SUCLG2: variants seen among roughly 807,000 people sequenced by gnomAD.
The protein encoded by SUCLG2 is succinate-CoA ligase GDP-forming subunit beta, also known as succinate--CoA ligase [GDP-forming] subunit beta, mitochondrial.
A neutral mutation model predicts 47.9 loss-of-function variants in SUCLG2; 42 were observed. The observed-to-expected ratio is 0.88, with a 90% CI of 0.69 to 1.14. The LOEUF is 1.14. Among genes scored for constraint, SUCLG2 ranks in the 50% most tolerant of loss-of-function variants. The probability of loss-of-function intolerance (pLI) is 0.00; values close to 1 mark genes in which losing one functional copy is unlikely to be tolerated. For synonymous variants in SUCLG2, 195 were observed against 197.3 expected (o/e 0.99, Z 0.10); for missense variants, 571 against 525.9 (o/e 1.09, Z -0.84).
intron 9 of SUCLG2, among the ~76,000 whole-genome samples, chr3:67,401,965 G>T (rs1702693741): frequency 6.6e-6 from 1 of 152,146 alleles, no homozygotes; most frequent in African/African-American, 2.4e-5. Flanking sequence ...ATTAGGTAGG[G>T]TGAAGGTTGG....
chr3:67,516,104 C>G (rs993937533), intron 6 of SUCLG2, among the ~76,000 whole-genome samples: 1 of 152,178 alleles, frequency 6.6e-6, no homozygotes, highest in Admixed American at 6.5e-5. Flanking sequence ...GCACAGCAGA[C>G]TGAGCAGCAC....
rs544929762 is a variant in SUCLG2 at position 67,583,698 on chromosome 3, G to T, written c.226+25757C>A. ...CTTCTTCCCACCTTACTAGTTAGTGGCAGAATTCAGTTCCTTGCAGCTACA... is the reference window on the plus strand; with the variant it reads ...CTTCTTCCCACCTTACTAGTTAGTGTCAGAATTCAGTTCCTTGCAGCTACA... On this transcript the variant is annotated intron_variant, in intron 2 of 10. Coordinates refer to ENST00000307227, the MANE Select transcript of SUCLG2 (RefSeq NM_003848.4). Among the ~76,000 whole-genome samples, 12 of 152,280 alleles carry T rather than the reference G, an allele frequency of 7.9e-5. 1 individual carries two copies. In the South Asian group the frequency reaches 2.5e-3, roughly 32 times the overall value.
intron 2 of SUCLG2, among the ~76,000 whole-genome samples, chr3:67,531,187 G>GA (rs1442301163): frequency 2.0e-5 from 3 of 152,108 alleles, no homozygotes; most frequent in East Asian, 3.9e-4. Context: ...CAGCAATTAA[G>GA]AAAAAATGGC....
At chr3:67,438,730 T>C (rs1575695739) in intron 9 of SUCLG2, among the ~76,000 whole-genome samples, 1 of 152,238 alleles carries the variant, frequency 6.6e-6, no homozygotes, top group Non-Finnish European at 1.5e-5. Context: ...AGCTCTGAAA[T>C]TGAGGCAGTA....
chr3:67,386,691 C>T (rs1383801682), intron 10 of SUCLG2, among the ~76,000 whole-genome samples: 2 of 152,186 alleles, frequency 1.3e-5, no homozygotes, highest in African/African-American at 2.4e-5. Flanking sequence ...GGGAAAAACC[C>T]ACCACCATGA....
chr3:67,476,433 T>C (rs1704758995), intron 9 of SUCLG2, among the ~76,000 whole-genome samples: 1 of 152,042 alleles, frequency 6.6e-6, no homozygotes, highest in Non-Finnish European at 1.5e-5. Context: ...GATCTGTCAT[T>C]CTCTCCCATC....
chr3:67,391,186 C>A (rs1007718739), intron 10 of SUCLG2, among the ~76,000 whole-genome samples: 1 of 152,168 alleles, frequency 6.6e-6, no homozygotes, highest in Non-Finnish European at 1.5e-5. Context: ...CTCTAACATT[C>A]CCTAAACTTT....
intron 9 of SUCLG2, among the ~76,000 whole-genome samples, chr3:67,466,776 C>G (rs1364845472): frequency 6.6e-6 from 1 of 152,164 alleles, no homozygotes; most frequent in Non-Finnish European, 1.5e-5. Context: ...ACAGTGCAAG[C>G]AAGTGTGATA....
chr3:67,622,569 G>A (rs116231710), intron 1 of SUCLG2, among the ~76,000 whole-genome samples: 101 of 152,138 alleles, frequency 6.6e-4, no homozygotes, highest in African/African-American at 2.3e-3. Flanking sequence ...ATCTCTATAC[G>A]CTGTTTTATC....
At chr3:67,585,993 C>CAAAAAAAAAAAAAAAAAAAAAAA (rs1575797477) in intron 2 of SUCLG2, among the ~76,000 whole-genome samples, 1 of 20,736 alleles carries the variant, frequency 4.8e-5, no homozygotes, top group African/African-American at 1.4e-4. Context: ...AAAAAAAAAC[C>CAAAAAAAAAAAAAAAAAAAAAAA]AAACCCACAA....
At chr3:67,466,026 C>G (rs1468840332) in intron 9 of SUCLG2, among the ~76,000 whole-genome samples, 1 of 152,184 alleles carries the variant, frequency 6.6e-6, no homozygotes, top group Admixed American at 6.5e-5. Flanking sequence ...ATGACACACA[C>G]AGCCCTTACG....
At chr3:67,373,729 G>A (rs1001616796), downstream of SUCLG2, among the ~76,000 whole-genome samples, 36 of 151,912 alleles carry the variant, frequency 2.4e-4, no homozygotes, top group African/African-American at 5.3e-4. Flanking sequence ...TCTTTCTTTC[G>A]TTTATTTGCT....
intron 9 of SUCLG2, among the ~76,000 whole-genome samples, chr3:67,432,795 G>T (rs564329385): frequency 6.6e-6 from 1 of 152,232 alleles, no homozygotes; most frequent in Admixed American, 6.5e-5. Flanking sequence ...TAATCACATT[G>T]TATGACTCGC....
At chr3:67,491,838 CGTGT>C (rs893781519) in intron 9 of SUCLG2, among the ~76,000 whole-genome samples, 20 of 152,204 alleles carry the variant, frequency 1.3e-4, no homozygotes, top group African/African-American at 3.9e-4. Flanking sequence ...GAAAAGTGTG[CGTGT>C]GTGTCTCAAT....
At chr3:67,577,986 A>G (rs1012274942) in intron 2 of SUCLG2, among the ~76,000 whole-genome samples, 11 of 152,088 alleles carry the variant, frequency 7.2e-5, no homozygotes, top group Admixed American at 1.3e-4. Context: ...TCAGTTGCAG[A>G]GTGCTTGGTG....
chr3:67,513,369 T>C, intron 6 of SUCLG2, among the ~76,000 whole-genome samples: 1 of 152,234 alleles, frequency 6.6e-6, no homozygotes, highest in East Asian at 1.9e-4. Flanking sequence ...ATTTTGGGGA[T>C]ATTTTCTGTT....
chr3:67,587,203 G>GA (rs1708046498), intron 2 of SUCLG2, among the ~76,000 whole-genome samples: 1 of 152,166 alleles, frequency 6.6e-6, no homozygotes, highest in Non-Finnish European at 1.5e-5. Context: ...GAGAGGCTGA[G>GA]ACAGAACTGG....
chr3:67,538,699 T>A (rs1181250641), intron 2 of SUCLG2, among the ~76,000 whole-genome samples: 2 of 152,236 alleles, frequency 1.3e-5, no homozygotes, highest in Non-Finnish European at 2.9e-5. Flanking sequence ...AAGCATGGAA[T>A]GTTTTTCCAT....
At chr3:67,389,532 T>G (rs1244961777) in intron 10 of SUCLG2, among the ~76,000 whole-genome samples, 1 of 152,198 alleles carries the variant, frequency 6.6e-6, no homozygotes, top group Non-Finnish European at 1.5e-5. Flanking sequence ...GTACTTCCAG[T>G]GGAGAAAAAG....
Sources: gnomAD v4.1 joint callset for allele counts (sites outside exome capture counted in the v4.1 genomes callset) on GRCh38, gnomAD v4.1.1 for gene constraint, MANE v1.5 for transcripts, NCBI Gene and HGNC (gene_info 2026-07-23, HGNC 2026-07-21) for gene names.